RAB9B: variants seen among roughly 807,000 people sequenced by gnomAD.
The protein encoded by RAB9B is RAB9B, member RAS oncogene family.
In RAB9B, 1 loss-of-function variant was observed where a neutral mutation model predicts 8.9. The observed-to-expected ratio is 0.11, with a 90% CI of 0.04 to 0.53. The LOEUF is 0.53. RAB9B is among the 20% of genes least tolerant of loss of function. The pLI is 0.93. For missense variants in RAB9B, 82 were observed against 152.9 expected (o/e 0.54, Z 2.45); for synonymous variants, 63 against 57.0 (o/e 1.10, Z -0.47).
the RAB9B span, among the ~76,000 whole-genome samples, chrX:103,809,585 C>G: frequency 2.7e-5 from 3 of 112,187 alleles, no homozygotes; most frequent in African/African-American, 9.7e-5. Flanking sequence ...CAGGCGTGAC[C>G]CACCATGCTC....
rs528584771 is a variant in RAB9B, at chrX:103,824,966, C to T, written c.*213G>A. ...CAAGAAGGGGAAATAGCAGAAATCA[C>T]GCAAAATACACTTGGCTTGATAGAG... On this transcript the variant is annotated 3_prime_UTR_variant, in exon 3 of 3. Coordinates refer to ENST00000243298, the MANE Select transcript of RAB9B (RefSeq NM_016370.4). 25 of 353,549 alleles carry T rather than the reference C, an allele frequency of 7.1e-5. No homozygotes were observed. The highest frequency in any genetic ancestry group is 6.5e-4 in the Admixed American group (12 of 18,433). 29.1% of individuals were successfully genotyped at this position (353,549 alleles called of 1,213,427 possible).
In RAB9B at chrX:103,822,739, T is replaced by C. The variant is rs943846856; in HGVS notation, c.*2440A>G. ...TCAATTTCTAAACCTATATGCACAG[T>C]TCTTGGTACTCACAGATTTCAGCCT... On this transcript the variant is annotated 3_prime_UTR_variant, in exon 3 of 3. Coordinates refer to ENST00000243298, the MANE Select transcript of RAB9B (RefSeq NM_016370.4). 3.6e-5 allele frequency: 4 copies of C among 111,796 alleles called. No individual in the cohort carries two copies. The highest frequency in any genetic ancestry group is 2.8e-4 in the East Asian group (1 of 3,574). The allele number at this position is 111,796 out of a possible 1,213,427, so 9.2% of individuals were successfully genotyped here. A position where few individuals can be genotyped will look rare whatever the true frequency, so the allele number is the denominator to read the frequency against.
At chrX:103,787,755 A>G in the RAB9B span, 1 of 1,106,842 alleles carries the variant, frequency 9.0e-7, no homozygotes, top group Non-Finnish European at 1.2e-6. Flanking sequence ...CTACATCTGC[A>G]GGCTGATGCT....
chrX:103,777,452 C>T, the RAB9B span, among the ~76,000 whole-genome samples: 11 of 111,974 alleles, frequency 9.8e-5, no homozygotes, highest in Non-Finnish European at 1.5e-4. Flanking sequence ...TAATAGGAAG[C>T]TGGGGATCGG....
chrX:103,822,032 G>A (rs1432525638), downstream of RAB9B, among the ~76,000 whole-genome samples: 4 of 111,622 alleles, frequency 3.6e-5, no homozygotes, highest in African/African-American at 9.8e-5. Flanking sequence ...CCATGATTGC[G>A]CCACTGCACT....
At chrX:103,817,673 G>A (rs762953148), downstream of RAB9B, among the ~76,000 whole-genome samples, 8 of 109,345 alleles carry the variant, frequency 7.3e-5, no homozygotes, top group Non-Finnish European at 1.1e-4. Context: ...GGTCTTTATT[G>A]CCCCCTTGTG....
chrX:103,827,758 C>T (rs1176777427), intron 1 of RAB9B, among the ~76,000 whole-genome samples: 3 of 111,659 alleles, frequency 2.7e-5, no homozygotes, highest in Non-Finnish European at 5.6e-5. Flanking sequence ...CCTCGACCTC[C>T]TGGGCTCAAG....
At chrX:103,789,395 C>T in the RAB9B span, 2 of 1,198,081 alleles carry the variant, frequency 1.7e-6, no homozygotes, top group Non-Finnish European at 2.3e-6. Context: ...CACTGGTTTC[C>T]CTGGTGAGTT....
the RAB9B span, among the ~76,000 whole-genome samples, chrX:103,804,887 C>A: frequency 9.0e-6 from 1 of 111,356 alleles, no homozygotes; most frequent in Non-Finnish European, 1.9e-5. Flanking sequence ...CATTTATTAG[C>A]TCTAATAGAT....
the RAB9B span, chrX:103,785,611 G>C: frequency 1.7e-6 from 2 of 1,210,789 alleles, no homozygotes; most frequent in Admixed American, 2.2e-5. Flanking sequence ...AAGATGTCTG[G>C]TAGGGGCCCC....
At chrX:103,803,278 T>A in the RAB9B span, among the ~76,000 whole-genome samples, 1 of 112,398 alleles carries the variant, frequency 8.9e-6, no homozygotes, top group Non-Finnish European at 1.9e-5. Flanking sequence ...ACTGTCAGAC[T>A]GTTTTCCATA....
the RAB9B span, chrX:103,785,525 G>C: frequency 1.9e-6 from 2 of 1,030,339 alleles, no homozygotes; most frequent in Non-Finnish European, 2.7e-6. Flanking sequence ...AGAGGGGTTT[G>C]AGTGGCATGA....
chrX:103,821,377 T>C (rs2074659977), downstream of RAB9B, among the ~76,000 whole-genome samples: 1 of 108,506 alleles, frequency 9.2e-6, no homozygotes, highest in East Asian at 2.9e-4. Context: ...AAAATCTGTT[T>C]CCCAACAAAT....
chrX:103,831,751 C>T (rs971247912), intron 1 of RAB9B, among the ~76,000 whole-genome samples: 3 of 109,869 alleles, frequency 2.7e-5, no homozygotes, highest in Non-Finnish European at 1.9e-5. Flanking sequence ...CCTCTCACCT[C>T]ACCCCCAGCT....
At chrX:103,778,496 G>T in the RAB9B span, among the ~76,000 whole-genome samples, 2 of 111,357 alleles carry the variant, frequency 1.8e-5, no homozygotes, top group African/African-American at 6.5e-5. Context: ...GATAGGTTGT[G>T]CATTAAAAAC....
At chrX:103,814,821 T>A in the RAB9B span, among the ~76,000 whole-genome samples, 1 of 111,447 alleles carries the variant, frequency 9.0e-6, no homozygotes, top group East Asian at 2.8e-4. Flanking sequence ...CTATGCAAAT[T>A]AACTAGAAAA....
At chrX:103,820,119 G>A (rs112277042), downstream of RAB9B, among the ~76,000 whole-genome samples, 36 of 112,016 alleles carry the variant, frequency 3.2e-4, no homozygotes, top group African/African-American at 1.1e-3. Context: ...CTGAATGTGC[G>A]GATGCCTTGA....
the RAB9B span, chrX:103,788,873 T>C: frequency 3.5e-6 from 1 of 284,607 alleles, no homozygotes. Context: ...ATAGGTTTTA[T>C]GAAAACATTT....
chrX:103,786,357 G>A, the RAB9B span: 1 of 1,051,744 alleles, frequency 9.5e-7, no homozygotes, highest in Non-Finnish European at 1.3e-6. Context: ...AAAATCCCTA[G>A]CCTTGTTAAG....
Sources: gnomAD v4.1 joint callset for allele counts (sites outside exome capture counted in the v4.1 genomes callset) on GRCh38, gnomAD v4.1.1 for gene constraint, MANE v1.5 for transcripts, NCBI Gene and HGNC (gene_info 2026-07-23, HGNC 2026-07-21) for gene names.